DCBLD1: variants seen among roughly 807,000 people sequenced by gnomAD.
DCBLD1 encodes the protein discoidin, CUB and LCCL domain containing 1.
A neutral mutation model predicts 71.5 loss-of-function variants in DCBLD1; 57 were observed. The ratio of observed to expected loss-of-function variants is 0.80; its 90% confidence interval spans 0.64 to 0.99. The LOEUF (loss-of-function observed/expected upper bound fraction) is 0.99. DCBLD1 is among the 50% of genes least tolerant of loss of function. DCBLD1 has a pLI of 0.00. For synonymous variants in DCBLD1, 380 were observed against 363.8 expected, an observed-to-expected ratio of 1.04 and a Z score of -0.51; for missense variants, 891 against 923.5, an observed-to-expected ratio of 0.96 and a Z score of 0.46.
chr6:117,484,869 T>G (rs913184035), intron 1 of DCBLD1: 3 of 152,202 alleles, frequency 2.0e-5, no homozygotes, highest in Admixed American at 1.3e-4. Flanking sequence ...CTGGGTCCTT[T>G]GTAGGGCAAC....
At chr6:117,544,814 T>C (rs1779212315) in intron 13 of DCBLD1, among the ~76,000 whole-genome samples, 1 of 151,914 alleles carries the variant, frequency 6.6e-6, no homozygotes, top group South Asian at 2.1e-4. Flanking sequence ...CATCCTTTTT[T>C]CTTGGCCACT....
chr6:117,495,538 A>G lies in DCBLD1; in HGVS notation c.113-8229A>G, dbSNP rs6904930. ...GATGGAATTCAGTTTTACCTTAGAG[A>G]GGTAAAAAGACTCACCCAAGGCCAC... On this transcript the variant is annotated intron_variant, in intron 1 of 14. Coordinates refer to ENST00000338728, the MANE Select transcript of DCBLD1 (RefSeq NM_001366458.2). Among the ~76,000 whole-genome samples the G allele has an allele frequency of 8.9e-3, 1,352 of 152,174 alleles. 22 individuals are homozygous for G. Among genetic ancestry groups the G allele is most frequent in the African/African-American group, 0.031 (1,271 of 41,504 alleles).
In DCBLD1 at chr6:117,514,683, A is replaced by G. The variant is rs183696393; in HGVS notation, c.326-5133A>G. ...GTTACAATTTTGCAGCACAGTAATA[A>G]AAATATGAAAGGGATTGATGTCTGT... On this transcript the variant is annotated intron_variant, in intron 2 of 14. Transcript: ENST00000338728. Among the ~76,000 whole-genome samples the G allele has an allele frequency of 4.0e-3, 608 of 152,204 alleles. 4 individuals are homozygous for G. The highest frequency in any genetic ancestry group is 7.2e-3 in the Non-Finnish European group (489 of 68,008).
At chr6:117,503,624 C>A in intron 1 of DCBLD1, 143 bp from the exon 2 acceptor site, 1 of 735,602 alleles carries the variant, frequency 1.4e-6, no homozygotes, top group South Asian at 2.0e-5. Context: ...TTTAATAATT[C>A]AGTCTTCTTT....
chr6:117,537,360 C>G, intron 7 of DCBLD1, 135 bp downstream of exon 7: 1 of 717,080 alleles, frequency 1.4e-6, no homozygotes, highest in South Asian at 1.7e-5. Flanking sequence ...CAGTGAAACC[C>G]CGTCTCTACT....
intron 2 of DCBLD1, among the ~76,000 whole-genome samples, chr6:117,510,564 G>T (rs1229980117): frequency 6.6e-6 from 1 of 152,130 alleles, no homozygotes; most frequent in African/African-American, 2.4e-5. Context: ...CCTGAGCCAG[G>T]AATTACGTTT....
At chr6:117,491,979 C>A (rs531827354) in intron 1 of DCBLD1, among the ~76,000 whole-genome samples, 40 of 152,310 alleles carry the variant, frequency 2.6e-4, no homozygotes, top group African/African-American at 9.1e-4. Flanking sequence ...CTAATTGTAT[C>A]ACAATAGGAC....
intron 14 of DCBLD1, chr6:117,563,296 T>G (rs1386242130): frequency 1.2e-6 from 2 of 1,613,378 alleles, no homozygotes; most frequent in East Asian, 2.2e-5. Context: ...GATCATCTAA[T>G]TTTGAAGCAC....
chr6:117,518,540 A>G (rs1414187403), intron 2 of DCBLD1, among the ~76,000 whole-genome samples: 1 of 152,192 alleles, frequency 6.6e-6, no homozygotes, highest in Non-Finnish European at 1.5e-5. Context: ...CATGCTGCTG[A>G]TAAGGACATA....
At chr6:117,567,383 C>T (rs1360426393) in intron 14 of DCBLD1, among the ~76,000 whole-genome samples, 1 of 152,126 alleles carries the variant, frequency 6.6e-6, no homozygotes, top group Non-Finnish European at 1.5e-5. Context: ...GTACTGCACA[C>T]AGCAATTCAG....
Position 117,548,429 on chromosome 6 carries a change from C to T in DCBLD1, c.2138C>T (p.Ala713Val). 4 of 1,550,652 alleles carry T rather than the reference C, an allele frequency of 2.6e-6. No individual in the cohort carries two copies. Among genetic ancestry groups the T allele is most frequent in the Non-Finnish European group, 2.6e-6 (3 of 1,147,012 alleles). ...CCCCTCAACCAGACGGCCATGACTG[C>T]CCTTTTGTGAACACAATGTGAAAGA... ...LTPLNQTAMT[A>V]LL The change falls in exon 15 of 15, where the codon GCC (alanine) becomes GTC (valine). Residue 713 changes from alanine to valine, a missense_variant. Transcript: ENST00000338728.
At chr6:117,547,531 G>A (rs562839520) in intron 14 of DCBLD1, 379 of 508,578 alleles carry the variant, frequency 7.5e-4, no homozygotes, top group Non-Finnish European at 1.1e-3. Context: ...CTCATACTCT[G>A]GCCATATCAA....
At chr6:117,544,907 A>G (rs1010996236) in intron 13 of DCBLD1, among the ~76,000 whole-genome samples, 3 of 151,280 alleles carry the variant, frequency 2.0e-5, no homozygotes, top group African/African-American at 7.3e-5. Context: ...CCGTGTTGTT[A>G]GCATCTGCAG....
downstream of DCBLD1, among the ~76,000 whole-genome samples, chr6:117,554,448 T>C (rs752105644): frequency 5.3e-5 from 8 of 152,186 alleles, no homozygotes; most frequent in Non-Finnish European, 7.3e-5. Context: ...CTATGGAAAA[T>C]ATGATTTTCC....
At position 117,538,807 on chromosome 6, in the gene DCBLD1, C is replaced by G; in HGVS notation, c.948C>G (p.Ile316Met). 1 of 1,613,640 alleles carries G rather than the reference C, an allele frequency of 6.2e-7. No homozygotes were observed. The highest frequency in any genetic ancestry group is 1.1e-5 in the South Asian group (1 of 91,010). ...ACAAACCACGAGAGTGGCTGGAGAT[C>G]GATTTGGGGGAGAAAAAGAAAATAA... is the stretch of plus-strand genomic sequence containing the variant. ...NNHKPREWLE[I>M]DLGEKKKITG... Residue 316 changes from isoleucine to methionine, a missense_variant, in exon 8 of 15, where the codon ATC becomes ATG. Transcript: ENST00000338728.
intron 5 of DCBLD1, among the ~76,000 whole-genome samples, chr6:117,526,292 G>A (rs1418373763): frequency 6.6e-6 from 1 of 152,010 alleles, no homozygotes; most frequent in Non-Finnish European, 1.5e-5. Flanking sequence ...TTATTTACAA[G>A]ATTGACACTG....
At chr6:117,544,770 C>G (rs780384952) in intron 13 of DCBLD1, among the ~76,000 whole-genome samples, 193 bp downstream of exon 13, 1 of 151,846 alleles carries the variant, frequency 6.6e-6, no homozygotes, top group Non-Finnish European at 1.5e-5. Context: ...GGCCACTTTA[C>G]TTTTGTTCAA....
At chr6:117,563,280 T>C in intron 14 of DCBLD1, 2 of 1,613,100 alleles carry the variant, frequency 1.2e-6, no homozygotes, top group African/African-American at 1.3e-5. Flanking sequence ...TGATACAGAG[T>C]GTGCAGATCA....
At position 117,548,642 on chromosome 6, in the gene DCBLD1, G is replaced by A; in HGVS notation, c.*203G>A. The A allele has an allele frequency of 7.0e-7, 1 of 1,424,720 alleles. No individual in the cohort carries two copies. The highest frequency in any genetic ancestry group is 1.5e-5 in the South Asian group (1 of 65,602). The allele number at this position is 1,424,720 out of a possible 1,614,324, so 88.3% of individuals were successfully genotyped here. ...GCAGCTGGTTTCGTGCTGACCCTTAGGGTGCGTCTGTTGGGTTTTGTTGGG... is the reference window on the plus strand; with the variant it reads ...GCAGCTGGTTTCGTGCTGACCCTTAAGGTGCGTCTGTTGGGTTTTGTTGGG... On this transcript the variant is annotated 3_prime_UTR_variant, in exon 15 of 15. Coordinates refer to ENST00000338728, the MANE Select transcript of DCBLD1 (RefSeq NM_001366458.2).
Sources: allele counts gnomAD v4.1 joint callset (sites outside exome capture counted in the v4.1 genomes callset), GRCh38; gene constraint gnomAD v4.1.1; transcripts MANE v1.5; gene names NCBI Gene and HGNC (gene_info 2026-07-23, HGNC 2026-07-21).